STX2: variants seen among roughly 807,000 people sequenced by gnomAD.
STX2 encodes the protein syntaxin 2.
STX2 carries 27 observed loss-of-function variants against 40.6 expected under a neutral mutation model. The ratio of observed to expected loss-of-function variants is 0.66; its 90% confidence interval spans 0.49 to 0.92. The LOEUF is 0.92. Among genes scored for constraint, STX2 ranks in the 40% least tolerant of loss-of-function variants. The probability of loss-of-function intolerance (pLI) is 0.00; values close to 1 mark genes in which losing one functional copy is unlikely to be tolerated. For missense variants in STX2, 328 were observed against 366.1 expected (o/e 0.90, Z 0.85); for synonymous variants, 123 against 119.1 (o/e 1.03, Z -0.22).
chr12:130,824,716 T>G (rs941646406), intron 2 of STX2, among the ~76,000 whole-genome samples: 2 of 152,204 alleles, frequency 1.3e-5, no homozygotes, highest in East Asian at 3.8e-4. Flanking sequence ...ACACTCACCA[T>G]GTGAAATTCA....
chr12:130,818,711 A>T (rs1348056642), intron 3 of STX2, among the ~76,000 whole-genome samples: 1 of 152,150 alleles, frequency 6.6e-6, no homozygotes. Flanking sequence ...GCGCATTCGG[A>T]GCGGAGCCCC....
chr12:130,794,084 T>C (rs1033521950), intron 10 of STX2, among the ~76,000 whole-genome samples: 2 of 152,190 alleles, frequency 1.3e-5, no homozygotes, highest in East Asian at 3.9e-4. Flanking sequence ...CGCATTTCAC[T>C]GTGTCCGCGC....
chr12:130,821,965 A>G (rs932742472), intron 2 of STX2, among the ~76,000 whole-genome samples, 177 bp from the exon 3 acceptor site: 1 of 152,230 alleles, frequency 6.6e-6, no homozygotes, highest in Non-Finnish European at 1.5e-5. Flanking sequence ...TATCCTATGA[A>G]TATTTCTACC....
At chr12:130,821,286 G>A (rs1320648597) in intron 3 of STX2, among the ~76,000 whole-genome samples, 1 of 152,172 alleles carries the variant, frequency 6.6e-6, no homozygotes, top group African/African-American at 2.4e-5. Context: ...TTTCAGAGTC[G>A]CCTCAGTGCG....
At chr12:130,837,105 GCT>G (rs1491114935) in intron 1 of STX2, among the ~76,000 whole-genome samples, 1 of 145,150 alleles carries the variant, frequency 6.9e-6, no homozygotes. Context: ...ATGACATTGA[GCT>G]TTTTTTTTTT....
rs547158978 is a variant in STX2, at chr12:130,800,759, C to T, written c.675+394G>A. On this transcript the variant is annotated intron_variant, in intron 8 of 10. Transcript: ENST00000392373. ...GGATACTGTTTTATGGAGCCAAGCT[C>T]GTGCCATGTGTTTGTGTTTATGTAC... Among the ~76,000 whole-genome samples, 6 of 152,326 alleles carry T rather than the reference C, an allele frequency of 3.9e-5. No individual in the cohort carries two copies. In the East Asian group the frequency reaches 7.7e-4, roughly 20 times the overall value.
intron 1 of STX2, among the ~76,000 whole-genome samples, chr12:130,830,201 C>T (rs1952504066): frequency 6.6e-6 from 1 of 152,152 alleles, no homozygotes; most frequent in Non-Finnish European, 1.5e-5. Flanking sequence ...TCCCATGAGG[C>T]AGATGCTACT....
chr12:130,825,716 C>G (rs1037872419), intron 2 of STX2, among the ~76,000 whole-genome samples: 1 of 152,168 alleles, frequency 6.6e-6, no homozygotes, highest in Non-Finnish European at 1.5e-5. Flanking sequence ...TAGTAACTTT[C>G]CATATGCTTT....
chr12:130,801,635 T>A, intron 6 of STX2, 147 bp from the exon 7 acceptor site: 2 of 771,026 alleles, frequency 2.6e-6, no homozygotes, highest in Non-Finnish European at 3.7e-6. Flanking sequence ...ATATTGACAA[T>A]GAGAAGTGAA....
intron 10 of STX2, among the ~76,000 whole-genome samples, chr12:130,795,114 T>A (rs1172101772): frequency 6.6e-6 from 1 of 152,224 alleles, no homozygotes; most frequent in African/African-American, 2.4e-5. Context: ...ATATTCAGAA[T>A]TCTTTAAGAA....
chr12:130,791,774 C>T lies in STX2; in HGVS notation c.*249G>A. ...GTTGTGCTTCTTCCGTGAACTCATA[C>T]ATTACAAGGTCAGCACTCGATGCCG... On this transcript the variant is annotated 3_prime_UTR_variant, in exon 11 of 11. Transcript: ENST00000392373. 1 of 821,114 alleles carries T rather than the reference C, an allele frequency of 1.2e-6. No homozygotes were observed. The highest frequency in any genetic ancestry group is 2.0e-6 in the Non-Finnish European group (1 of 495,350). The allele number at this position is 821,114 out of a possible 1,614,324, so 50.9% of individuals were successfully genotyped here.
intron 1 of STX2, 64 bp downstream of exon 1, chr12:130,839,006 C>A: frequency 7.7e-7 from 1 of 1,293,476 alleles, no homozygotes; most frequent in Non-Finnish European, 9.8e-7. Flanking sequence ...CGCCCCGAGC[C>A]CCCGCCCGCC....
At position 130,796,488 on chromosome 12, in the gene STX2, A is replaced by G. The variant is rs534272652; in HGVS notation, c.787-368T>C. Among the ~76,000 whole-genome samples, 15 of 152,336 alleles carry G rather than the reference A, an allele frequency of 9.8e-5. No homozygotes were observed. The East Asian group carries it at 2.7e-3, about 27-fold the overall frequency. The stretch of plus-strand genomic sequence containing the variant: ...GCAACAGAGCAAGACTCCATCTCAA[A>G]AAAATAAAATAAAATAAAGCAAAAC... On this transcript the variant is annotated intron_variant, in intron 9 of 10. Coordinates refer to ENST00000392373, the MANE Select transcript of STX2 (RefSeq NM_194356.4).
rs997165351 is a variant in STX2 at position 130,836,337 on chromosome 12, C to T, written c.30+2733G>A. Among the ~76,000 whole-genome samples, 3 of 152,088 alleles carry T rather than the reference C, an allele frequency of 2.0e-5. No individual in the cohort carries two copies. In the South Asian group the frequency reaches 6.2e-4, roughly 32 times the overall value. ...CCAGGCTGGAGGGCAGTGGCAAAAT[C>T]TTGGCTCACTGCAACCTCCGCCTCC... On this transcript the variant is annotated intron_variant, in intron 1 of 10. Coordinates refer to ENST00000392373, the MANE Select transcript of STX2 (RefSeq NM_194356.4).
intron 3 of STX2, among the ~76,000 whole-genome samples, chr12:130,815,717 T>C (rs936287038): frequency 1.3e-5 from 2 of 152,186 alleles, no homozygotes; most frequent in African/African-American, 4.8e-5. Context: ...CCTCATCAGC[T>C]TGCAGCCTTG....
intron 4 of STX2, among the ~76,000 whole-genome samples, chr12:130,809,239 C>T (rs1368025072): frequency 6.6e-6 from 1 of 152,012 alleles, no homozygotes; most frequent in Non-Finnish European, 1.5e-5. Context: ...CACAGATACA[C>T]ACAGATATAT....
intron 2 of STX2, among the ~76,000 whole-genome samples, chr12:130,822,780 C>A (rs1037194382): frequency 2.6e-5 from 4 of 152,146 alleles, no homozygotes; most frequent in African/African-American, 9.7e-5. Context: ...CCAGAGGCTG[C>A]AATGTGTGTG....
intron 3 of STX2, among the ~76,000 whole-genome samples, chr12:130,819,242 G>C (rs1026475919): frequency 6.6e-6 from 1 of 152,194 alleles, no homozygotes; most frequent in Admixed American, 6.5e-5. Context: ...CCTGCTCACC[G>C]GGACCTAAGC....
At chr12:130,793,135 C>T (rs1950926502) in intron 10 of STX2, among the ~76,000 whole-genome samples, 1 of 152,170 alleles carries the variant, frequency 6.6e-6, no homozygotes, top group African/African-American at 2.4e-5. Context: ...CCGGCTCAGT[C>T]AGTTATACAG....
Sources: allele counts gnomAD v4.1 joint callset (sites outside exome capture counted in the v4.1 genomes callset), GRCh38; gene constraint gnomAD v4.1.1; transcripts MANE v1.5; gene names NCBI Gene and HGNC (gene_info 2026-07-23, HGNC 2026-07-21).